Variants in DLG2 observed in about 807,000 individuals in gnomAD.
DLG2 encodes the protein discs large MAGUK scaffold protein 2.
A neutral mutation model predicts 132.5 loss-of-function variants in DLG2; 45 were observed. That is an observed-to-expected ratio of 0.34 (90% CI 0.27 to 0.44). DLG2 has a LOEUF of 0.44. DLG2 is among the 20% of genes least tolerant of loss of function. The pLI, the probability that DLG2 is intolerant of heterozygous loss-of-function variation, is 1.00. For missense variants in DLG2, 1,045 were observed against 1,196.9 expected (o/e 0.87, Z 1.87); for synonymous variants, 424 against 419.6 (o/e 1.01, Z -0.13).
At chr11:84,720,257 G>A (rs749744995) in intron 6 of DLG2, 29 of 984,896 alleles carry the variant, frequency 2.9e-5, no homozygotes, top group Middle Eastern at 5.2e-4. Context: ...TCCCCCGAGG[G>A]AGGCAACATG....
At chr11:85,191,485 C>CAG (rs1274243715) in intron 4 of DLG2, among the ~76,000 whole-genome samples, 1 of 152,074 alleles carries the variant, frequency 6.6e-6, no homozygotes, top group Admixed American at 6.5e-5. Flanking sequence ...AGGAAGAAAA[C>CAG]AGTCCTGGCT....
intron 19 of DLG2, among the ~76,000 whole-genome samples, chr11:83,574,652 C>T (rs2096847228): frequency 6.6e-6 from 1 of 152,112 alleles, no homozygotes; most frequent in Admixed American, 6.5e-5. Context: ...CTTGTGATTC[C>T]AAAGCTGCAG....
At chr11:85,384,877 A>T (rs888319174) in intron 3 of DLG2, among the ~76,000 whole-genome samples, 4 of 152,212 alleles carry the variant, frequency 2.6e-5, no homozygotes, top group African/African-American at 9.6e-5. Flanking sequence ...TGACCAAGTT[A>T]TTAAATCTTA....
intron 3 of DLG2, among the ~76,000 whole-genome samples, chr11:85,587,834 G>A (rs923218637): frequency 3.9e-5 from 6 of 152,108 alleles, no homozygotes; most frequent in African/African-American, 1.4e-4. Flanking sequence ...GGTGTATTTC[G>A]AGGTTTTGTT....
chr11:84,876,975 C>G (rs534038474), intron 6 of DLG2, among the ~76,000 whole-genome samples: 5 of 152,294 alleles, frequency 3.3e-5, no homozygotes, highest in African/African-American at 1.2e-4. Flanking sequence ...TGTTCAGTTT[C>G]TATGTAGTTG....
intron 7 of DLG2, among the ~76,000 whole-genome samples, chr11:84,423,544 T>C (rs1269363651): frequency 1.3e-5 from 2 of 152,184 alleles, no homozygotes; most frequent in East Asian, 3.8e-4. Flanking sequence ...ATCATATTCA[T>C]CACACTATGT....
chr11:84,450,201 C>A (rs2099047596), intron 7 of DLG2, among the ~76,000 whole-genome samples: 1 of 151,788 alleles, frequency 6.6e-6, no homozygotes, highest in African/African-American at 2.4e-5. Flanking sequence ...CAAACCCTGT[C>A]TGACTCTCAA....
intron 8 of DLG2, among the ~76,000 whole-genome samples, chr11:84,194,948 G>A (rs1011699700): frequency 2.6e-5 from 4 of 152,092 alleles, no homozygotes; most frequent in East Asian, 1.9e-4. Flanking sequence ...GTGCAGCCTC[G>A]GTTCTCACTC....
intron 3 of DLG2, among the ~76,000 whole-genome samples, chr11:85,546,937 A>G (rs1231850793): frequency 2.0e-5 from 3 of 151,056 alleles, no homozygotes; most frequent in Non-Finnish European, 4.4e-5. Flanking sequence ...CAGCACATCA[A>G]TGGGTCTTGA....
intron 19 of DLG2, among the ~76,000 whole-genome samples, chr11:83,568,132 T>C (rs1407647186): frequency 6.6e-6 from 1 of 152,142 alleles, no homozygotes; most frequent in Non-Finnish European, 1.5e-5. Context: ...ATTAGGATGC[T>C]GTTGCAAGAG....
At chr11:84,135,475 A>G (rs1352453478) in intron 9 of DLG2, among the ~76,000 whole-genome samples, 2 of 152,150 alleles carry the variant, frequency 1.3e-5, no homozygotes, top group Non-Finnish European at 2.9e-5. Context: ...TTAAATAACA[A>G]CAGAGGGGAA....
intron 14 of DLG2, among the ~76,000 whole-genome samples, chr11:83,956,035 T>C (rs2086738352): frequency 1.3e-5 from 2 of 151,978 alleles, no homozygotes; most frequent in South Asian, 2.1e-4. Context: ...TATACATCCA[T>C]CTCCTCTTAT....
At chr11:85,532,488 T>C (rs1472854524) in intron 3 of DLG2, among the ~76,000 whole-genome samples, 3 of 152,230 alleles carry the variant, frequency 2.0e-5, no homozygotes, top group African/African-American at 4.8e-5. Context: ...TATTCATTTG[T>C]TGTTATTCCT....
intron 6 of DLG2, among the ~76,000 whole-genome samples, chr11:84,932,650 G>A (rs2048237412): frequency 6.6e-6 from 1 of 152,038 alleles, no homozygotes; most frequent in African/African-American, 2.4e-5. Flanking sequence ...TGGGGATGAT[G>A]GCTTCCAGCT....
chr11:85,252,581 G>A (rs563339911), intron 4 of DLG2, among the ~76,000 whole-genome samples: 199 of 152,020 alleles, frequency 1.3e-3, no homozygotes, highest in Middle Eastern at 3.4e-3. Context: ...GCGAGACTCT[G>A]TCTCAAAAAA....
At chr11:84,864,150 A>G (rs1037805509) in intron 6 of DLG2, among the ~76,000 whole-genome samples, 1 of 152,206 alleles carries the variant, frequency 6.6e-6, no homozygotes, top group Non-Finnish European at 1.5e-5. Flanking sequence ...CTCTGACTAC[A>G]TGTTTGGTTT....
Position 83,963,380 on chromosome 11 carries a change from A to G in DLG2, c.1202-357T>C, listed in dbSNP as rs1282911668. Among the ~76,000 whole-genome samples, 3 of 152,062 alleles carry G rather than the reference A, an allele frequency of 2.0e-5. No individual in the cohort carries two copies. In the East Asian group the frequency reaches 5.8e-4, roughly 29 times the overall value. ...TTCAGAGCTCACATTGTTTTCACAT[A>G]ATTAATATCCAATTACTGAGAGTAA... On this transcript the variant is annotated intron_variant, in intron 13 of 27. Coordinates refer to ENST00000376104, the MANE Select transcript of DLG2 (RefSeq NM_001142699.3).
At chr11:85,468,921 G>A (rs1425096664) in intron 3 of DLG2, among the ~76,000 whole-genome samples, 1 of 152,130 alleles carries the variant, frequency 6.6e-6, no homozygotes, top group African/African-American at 2.4e-5. Flanking sequence ...GCCTCCCCAA[G>A]TGCTGGGATT....
At chr11:85,075,436 G>T (rs1363954248) in intron 6 of DLG2, among the ~76,000 whole-genome samples, 6 of 151,944 alleles carry the variant, frequency 3.9e-5, no homozygotes, top group African/African-American at 1.4e-4. Context: ...TAGAAATGTG[G>T]TATAGCCAAA....
Sources: allele counts gnomAD v4.1 joint callset (sites outside exome capture counted in the v4.1 genomes callset), GRCh38; gene constraint gnomAD v4.1.1; transcripts MANE v1.5; gene names NCBI Gene and HGNC (gene_info 2026-07-23, HGNC 2026-07-21).